The following ANGPT4 variants were observed in gnomAD, a reference collection of about 807,000 sequenced individuals.
ANGPT4 encodes the protein angiopoietin-4.
In ANGPT4, 50 loss-of-function variants were observed where a neutral mutation model predicts 53.0. The ratio of observed to expected loss-of-function variants is 0.94; its 90% CI spans 0.75 to 1.20. ANGPT4 has a LOEUF of 1.20. ANGPT4 is among the 50% of genes most tolerant of loss of function. ANGPT4 has a pLI of 0.00. For missense variants in ANGPT4, 648 were observed against 637.1 expected (o/e 1.02, Z -0.18); for synonymous variants, 251 against 259.7 (o/e 0.97, Z 0.32).
At chr20:874,537 G>T in intron 7 of ANGPT4, 123 bp from the exon 8 acceptor site, 1 of 1,363,608 alleles carries the variant, frequency 7.3e-7, no homozygotes, top group Non-Finnish European at 9.9e-7. Flanking sequence ...GTTCTTGGAG[G>T]GACAGCCCCA....
At chr20:912,376 G>A (rs966953340) in intron 1 of ANGPT4, among the ~76,000 whole-genome samples, 4 of 152,200 alleles carry the variant, frequency 2.6e-5, no homozygotes, top group African/African-American at 9.7e-5. Flanking sequence ...CTGGGTCCTA[G>A]AGGGAGGGCA....
chr20:878,135 C>A (rs1981242178), intron 7 of ANGPT4, 26 bp downstream of exon 7: 1 of 1,572,352 alleles, frequency 6.4e-7, no homozygotes, highest in Non-Finnish European at 8.7e-7. Flanking sequence ...CCCCAGCCCC[C>A]ACAACGGCCT....
Position 885,178 on chromosome 20 carries a change from C to G in ANGPT4, c.735G>C (p.Arg245Ser), listed in dbSNP as rs140682745. The G allele has an allele frequency of 1.3e-4, 211 of 1,606,226 alleles. No homozygotes were observed. The highest frequency in any genetic ancestry group is 1.7e-4 in the Non-Finnish European group (205 of 1,176,602). Residue 245 changes from arginine (R) to serine (S), a missense_variant, in exon 4 of 9, where the codon AGG (arginine) becomes AGC (serine). Arg to Ser is a moderately radical substitution (Grantham distance 110, BLOSUM62 -1). Transcript: ENST00000381922. ...TNIERGLRGV[R>S]HNSSLLQDQQ... Reference sequence around the variant, plus strand: ...GGTCCTGCAGGAGGCTGGAGTTGTGCCTGACACCGCGCAGGCCGCGCTCGA... The same window carrying G: ...GGTCCTGCAGGAGGCTGGAGTTGTGGCTGACACCGCGCAGGCCGCGCTCGA...
In ANGPT4 at chr20:885,066, C is replaced by A; in HGVS notation, c.835+12G>T. The A allele has an allele frequency of 1.2e-6, 2 of 1,613,506 alleles. No homozygotes were observed. Among genetic ancestry groups the A allele is most frequent in the Non-Finnish European group, 1.7e-6 (2 of 1,179,894 alleles). On this transcript the variant is annotated intron_variant, in intron 4 of 8. Transcript: ENST00000381922. ...GTCTTTAGCCACACTGGGGCGCACA[C>A]CGCTCACTCACCCGGGGCCGAGGCG...
intron 3 of ANGPT4, among the ~76,000 whole-genome samples, chr20:886,137 AG>A (rs11475906): frequency 0.12 from 17,585 of 152,242 alleles, 1,253 homozygotes; most frequent in African/African-American, 0.19. Context: ...TAATGGATTT[AG>A]AAGCAAAGAG....
chr20:890,129 A>G, intron 2 of ANGPT4, 84 bp downstream of exon 2: 1 of 1,507,930 alleles, frequency 6.6e-7, no homozygotes, highest in Non-Finnish European at 9.0e-7. Context: ...ACTCAGGGTC[A>G]GAGATCAAGG....
In ANGPT4 at chr20:885,067, C is replaced by G; in HGVS notation, c.835+11G>C. 1 of 1,613,476 alleles carries G rather than the reference C, an allele frequency of 6.2e-7. No individual in the cohort carries two copies. Among genetic ancestry groups the G allele is most frequent in the Non-Finnish European group, 8.5e-7 (1 of 1,179,878 alleles). On this transcript the variant is annotated intron_variant, in intron 4 of 8. Transcript: ENST00000381922. ...TCTTTAGCCACACTGGGGCGCACACCGCTCACTCACCCGGGGCCGAGGCGT... is the reference window on the plus strand; with the variant it reads ...TCTTTAGCCACACTGGGGCGCACACGGCTCACTCACCCGGGGCCGAGGCGT...
intron 4 of ANGPT4, among the ~76,000 whole-genome samples, chr20:883,978 A>C (rs113168500): frequency 8.5e-5 from 13 of 152,326 alleles, no homozygotes; most frequent in African/African-American, 2.9e-4. Flanking sequence ...CCAGGGTGGA[A>C]TCTTCTGCCC....
Position 890,337 on chromosome 20 carries a change from G to C in ANGPT4, c.341C>G (p.Ser114Trp), listed in dbSNP as rs376414024. 8 of 1,612,216 alleles carry C rather than the reference G, an allele frequency of 5.0e-6. No individual in the cohort carries two copies. The highest frequency in any genetic ancestry group is 2.7e-5 in the African/African-American group (2 of 74,874). Residue 114 changes from serine to tryptophan, a missense_variant, in exon 2 of 9, where the codon TCG becomes TGG. By Grantham distance (177) the Ser-to-Trp change is radical. Coordinates refer to ENST00000381922, the MANE Select transcript of ANGPT4 (RefSeq NM_015985.4). ...TTGCTGCTGGACCTGCTCCAGCTTC[G>C]ACCTCAAGATCGTCTTGATGGCCCT... ...LERAIKTILR[S>W]KLEQVQQQMA...
At chr20:886,954 C>T (rs1451333910) in intron 3 of ANGPT4, among the ~76,000 whole-genome samples, 6 of 152,210 alleles carry the variant, frequency 3.9e-5, no homozygotes, top group Admixed American at 1.3e-4. Flanking sequence ...TCTTTGTTCA[C>T]TTCTGTATCC....
Position 881,303 on chromosome 20 carries a change from C to T in ANGPT4, c.836-17G>A, listed in dbSNP as rs762864260. 2 of 1,611,452 alleles carry T rather than the reference C, an allele frequency of 1.2e-6. No individual in the cohort carries two copies. Among genetic ancestry groups the T allele is most frequent in the East Asian group, 2.2e-5 (1 of 44,892 alleles). On this transcript the variant is annotated splice_polypyrimidine_tract_variant and intron_variant, in intron 4 of 8. Transcript: ENST00000381922. ...TTATGAAGGCTGCAAAGGGACAACACAAAAGTCAGTTGGAGGTGGGCAAGG... is the reference window on the plus strand; with the variant it reads ...TTATGAAGGCTGCAAAGGGACAACATAAAAGTCAGTTGGAGGTGGGCAAGG...
chr20:897,107 C>A (rs921318003), intron 1 of ANGPT4, among the ~76,000 whole-genome samples: 1 of 152,206 alleles, frequency 6.6e-6, no homozygotes, highest in Non-Finnish European at 1.5e-5. Context: ...CCACTACCTA[C>A]CCAAATCCTA....
In ANGPT4 at chr20:897,910, G is replaced by A. The variant is rs561402133; in HGVS notation, c.310-7542C>T. Among the ~76,000 whole-genome samples the A allele has an allele frequency of 7.9e-5, 12 of 152,154 alleles. No homozygotes were observed. The South Asian group carries it at 1.5e-3, about 18-fold the overall frequency. ...TACTGCTAGGCCCCAGTACAAACTCGACAATTGTTCTAAATGGCCAGAAAA... is the reference window on the plus strand; with the variant it reads ...TACTGCTAGGCCCCAGTACAAACTCAACAATTGTTCTAAATGGCCAGAAAA... On this transcript the variant is annotated intron_variant, in intron 1 of 8. Transcript: ENST00000381922.
At chr20:883,092 T>C (rs551603537) in intron 4 of ANGPT4, among the ~76,000 whole-genome samples, 1 of 152,260 alleles carries the variant, frequency 6.6e-6, no homozygotes, top group Non-Finnish European at 1.5e-5. Context: ...TCTATGAGAT[T>C]ATTATTCCCG....
At chr20:873,826 T>C (rs1340621513) in intron 8 of ANGPT4, among the ~76,000 whole-genome samples, 1 of 152,166 alleles carries the variant, frequency 6.6e-6, no homozygotes, top group Non-Finnish European at 1.5e-5. Context: ...CCTGTCTCTG[T>C]TCTTCTTACT....
At chr20:906,743 T>G (rs1484039139) in intron 1 of ANGPT4, among the ~76,000 whole-genome samples, 1 of 152,182 alleles carries the variant, frequency 6.6e-6, no homozygotes, top group Non-Finnish European at 1.5e-5. Flanking sequence ...TGAAATGGTT[T>G]GTCTTGTCCT....
intron 1 of ANGPT4, among the ~76,000 whole-genome samples, chr20:898,517 G>A (rs1179609544): frequency 1.3e-5 from 2 of 152,096 alleles, no homozygotes; most frequent in South Asian, 2.1e-4. Flanking sequence ...AGACCCAGAG[G>A]GGCCAGAAGG....
intron 1 of ANGPT4, among the ~76,000 whole-genome samples, chr20:904,767 T>C (rs1982413964): frequency 6.6e-6 from 1 of 152,188 alleles, no homozygotes; most frequent in Admixed American, 6.5e-5. Context: ...TCTGGGACTA[T>C]AGGCATGTGC....
At chr20:903,411 A>G (rs531880379) in intron 1 of ANGPT4, among the ~76,000 whole-genome samples, 2 of 152,188 alleles carry the variant, frequency 1.3e-5, no homozygotes, top group East Asian at 3.9e-4. Context: ...CTTCCACCCC[A>G]GTCCCAGCCC....
Sources: gnomAD v4.1 joint callset for allele counts (sites outside exome capture counted in the v4.1 genomes callset) on GRCh38, gnomAD v4.1.1 for gene constraint, MANE v1.5 for transcripts, NCBI Gene and HGNC (gene_info 2026-07-23, HGNC 2026-07-21) for gene names.